Variants in CDKL4 observed in about 807,000 individuals in gnomAD.
The protein encoded by CDKL4 is cyclin-dependent kinase-like 4.
In CDKL4, 44 loss-of-function variants were observed where a neutral mutation model predicts 42.0. That is an observed-to-expected ratio of 1.05 (90% CI 0.82 to 1.35). The LOEUF is 1.35. CDKL4 is among the 40% of genes most tolerant of loss of function. The pLI, the probability that CDKL4 is intolerant of heterozygous loss-of-function variation, is 0.00. For synonymous variants in CDKL4, 120 were observed against 121.6 expected (o/e 0.99, Z 0.09); for missense variants, 393 against 369.9 (o/e 1.06, Z -0.51).
chr2:39,179,015 A>T, intron 9 of CDKL4, 172 bp downstream of exon 9: 1 of 1,458,796 alleles, frequency 6.9e-7, no homozygotes, highest in Non-Finnish European at 9.0e-7. Flanking sequence ...ATATTTTCAT[A>T]GTTCTATGGT....
At chr2:39,225,887 T>C in exon 3 of CDKL4, 1 of 1,612,032 alleles carries the variant, frequency 6.2e-7, no homozygotes, top group Non-Finnish European at 8.5e-7. Flanking sequence ...ATCACAGTAT[T>C]CAAAAACTAA....
intron 7 of CDKL4, among the ~76,000 whole-genome samples, chr2:39,185,177 CATAT>C (rs1572945297): frequency 1.8e-5 from 2 of 112,678 alleles, no homozygotes; most frequent in East Asian, 2.4e-4. Context: ...TATATATATA[CATAT>C]GTGTATATAC....
intron 5 of CDKL4, among the ~76,000 whole-genome samples, chr2:39,191,883 C>G (rs1676205038): frequency 6.6e-6 from 1 of 152,156 alleles, no homozygotes; most frequent in African/African-American, 2.4e-5. Context: ...GGAAAGCAGC[C>G]CGACTTGCAG....
At chr2:39,237,201 T>C (rs1265547398) in intron 1 of CDKL4, among the ~76,000 whole-genome samples, 2 of 152,212 alleles carry the variant, frequency 1.3e-5, no homozygotes, top group Non-Finnish European at 2.9e-5. Context: ...AAATAGATTA[T>C]ATACCGTGAC....
intron 1 of CDKL4, among the ~76,000 whole-genome samples, chr2:39,241,650 C>T (rs142862664): frequency 6.6e-6 from 1 of 152,192 alleles, no homozygotes; most frequent in East Asian, 1.9e-4. Context: ...CATACCCCTG[C>T]CTGGAATGTC....
chr2:39,172,875 C>A (rs971998459), downstream of CDKL4, among the ~76,000 whole-genome samples: 1 of 152,150 alleles, frequency 6.6e-6, no homozygotes, highest in Admixed American at 6.5e-5. Flanking sequence ...AGCCACTGCA[C>A]CTGGCCTGTT....
chr2:39,195,995 C>CT (rs1198672198), intron 5 of CDKL4, among the ~76,000 whole-genome samples: 2 of 152,084 alleles, frequency 1.3e-5, no homozygotes, highest in Non-Finnish European at 2.9e-5. Flanking sequence ...TCCACAGACC[C>CT]TTTGAAGAAG....
At chr2:39,211,471 G>C (rs1572992052) in intron 4 of CDKL4, among the ~76,000 whole-genome samples, 1 of 152,108 alleles carries the variant, frequency 6.6e-6, no homozygotes, top group African/African-American at 2.4e-5. Flanking sequence ...CTGAGCATGG[G>C]AGAGACCAAT....
chr2:39,242,574 T>C (rs551648486), intron 1 of CDKL4, among the ~76,000 whole-genome samples: 4 of 152,258 alleles, frequency 2.6e-5, no homozygotes, highest in African/African-American at 9.6e-5. Context: ...ATTTCCTTAG[T>C]CTCAAGGGTT....
At chr2:39,222,519 G>A (rs1197105059) in intron 3 of CDKL4, among the ~76,000 whole-genome samples, 1 of 152,134 alleles carries the variant, frequency 6.6e-6, no homozygotes, top group Admixed American at 6.5e-5. Flanking sequence ...GAGCCCAGGA[G>A]GTAGAGGCTG....
At position 39,177,019 on chromosome 2, in the gene CDKL4, G is replaced by A. The variant is rs141688513; in HGVS notation, c.928-923C>T. Among the ~76,000 whole-genome samples, 591 of 152,224 alleles carry A rather than the reference G, an allele frequency of 3.9e-3. 2 individuals are homozygous for A. The highest frequency in any genetic ancestry group is 5.8e-3 in the Non-Finnish European group (394 of 68,004). ...CGGCCTCGTGTAGGTGCTACAGGGG[G>A]ACCCACCATGCAGAGGTGGATAGAA... On this transcript the variant is annotated intron_variant, in intron 9 of 9. Transcript: ENST00000451199.
At chr2:39,209,580 T>C (rs1240355536) in intron 4 of CDKL4, among the ~76,000 whole-genome samples, 2 of 152,182 alleles carry the variant, frequency 1.3e-5, no homozygotes, top group East Asian at 3.8e-4. Flanking sequence ...AGGTCTGTAG[T>C]GGACCTCAGA....
chr2:39,228,225 G>A (rs777551306), intron 2 of CDKL4, among the ~76,000 whole-genome samples: 1 of 152,160 alleles, frequency 6.6e-6, no homozygotes. Context: ...GTTCAGACCC[G>A]CCCTGCAGCT....
At chr2:39,226,010 C>T (rs1466471296) in intron 2 of CDKL4, 50 bp from the exon 3 acceptor site, 2 of 1,567,872 alleles carry the variant, frequency 1.3e-6, no homozygotes, top group Non-Finnish European at 1.7e-6. Flanking sequence ...CTAGTAAAAG[C>T]TTCTACCCAG....
chr2:39,178,925 A>G, intron 9 of CDKL4: 1 of 1,448,092 alleles, frequency 6.9e-7, no homozygotes, highest in Non-Finnish European at 9.1e-7. Context: ...TGTGGGTGGG[A>G]TATCCAATCA....
chr2:39,172,928 T>C (rs1230645695), downstream of CDKL4, among the ~76,000 whole-genome samples: 1 of 152,206 alleles, frequency 6.6e-6, no homozygotes, highest in African/African-American at 2.4e-5. Context: ...AGCATTTTTC[T>C]AAGCATTAGA....
chr2:39,216,676 T>C (rs1010507520), intron 3 of CDKL4, among the ~76,000 whole-genome samples: 4 of 152,064 alleles, frequency 2.6e-5, no homozygotes, highest in African/African-American at 9.7e-5. Flanking sequence ...GTGGAGTACA[T>C]GCTCCTGCTG....
At chr2:39,246,824 G>A (rs974028920), upstream of CDKL4, among the ~76,000 whole-genome samples, 2 of 152,038 alleles carry the variant, frequency 1.3e-5, no homozygotes, top group African/African-American at 4.8e-5. Context: ...GCTCATTGCA[G>A]CCTCAAACTC....
downstream of CDKL4, among the ~76,000 whole-genome samples, chr2:39,174,886 T>C (rs550441938): frequency 8.2e-4 from 125 of 152,302 alleles, no homozygotes; most frequent in African/African-American, 3.0e-3. Context: ...TAAGTATATA[T>C]TTACAAATAC....
Sources: gnomAD v4.1 joint callset for allele counts (sites outside exome capture counted in the v4.1 genomes callset) on GRCh38, gnomAD v4.1.1 for gene constraint, MANE v1.5 for transcripts, NCBI Gene and HGNC (gene_info 2026-07-23, HGNC 2026-07-21) for gene names.